Variants in FAF1 observed in about 807,000 individuals in gnomAD.
FAF1 encodes the protein Fas associated factor 1, also known as FAS-associated factor 1.
FAF1 carries 25 observed loss-of-function variants against 92.5 expected under a neutral mutation model. That is an observed-to-expected ratio of 0.27 (90% confidence interval 0.20 to 0.38). The LOEUF is 0.38. FAF1 is among the 10% of genes least tolerant of loss of function. FAF1 has a pLI of 1.00. For synonymous variants in FAF1, 234 were observed against 273.2 expected (o/e 0.86, Z 1.42); for missense variants, 636 against 793.3 (o/e 0.80, Z 2.38).
At chr1:50,646,253 A>G (rs1445638224) in intron 8 of FAF1, among the ~76,000 whole-genome samples, 1 of 152,162 alleles carries the variant, frequency 6.6e-6, no homozygotes, top group East Asian at 1.9e-4. Context: ...CCATACATAT[A>G]TACACACACA....
At chr1:50,602,489 C>T (rs1652187247) in intron 8 of FAF1, among the ~76,000 whole-genome samples, 1 of 150,588 alleles carries the variant, frequency 6.6e-6, no homozygotes, top group South Asian at 2.1e-4. Context: ...TTTATATCCT[C>T]ATATAAAGTA....
chr1:50,678,396 A>C (rs1656243697), intron 7 of FAF1, among the ~76,000 whole-genome samples: 1 of 152,144 alleles, frequency 6.6e-6, no homozygotes, highest in Admixed American at 6.5e-5. Flanking sequence ...TCCAAAACAT[A>C]CAAATTAGTA....
chr1:50,509,802 T>A (rs1647109927), intron 15 of FAF1, among the ~76,000 whole-genome samples: 1 of 152,022 alleles, frequency 6.6e-6, no homozygotes, highest in Non-Finnish European at 1.5e-5. Flanking sequence ...ATTCTAGGTC[T>A]GCCACTTAAT....
chr1:50,721,594 T>G (rs1246652224), intron 6 of FAF1, among the ~76,000 whole-genome samples: 2 of 152,126 alleles, frequency 1.3e-5, no homozygotes, highest in African/African-American at 4.8e-5. Context: ...CAGGCCACTT[T>G]AAGGTCTCAT....
chr1:50,887,742 T>C (rs949703170), intron 1 of FAF1, among the ~76,000 whole-genome samples: 3 of 152,236 alleles, frequency 2.0e-5, no homozygotes, highest in African/African-American at 7.2e-5. Flanking sequence ...TCTATATCTC[T>C]GTTTTGGTAC....
chr1:50,706,801 A>G (rs747359405), intron 6 of FAF1, among the ~76,000 whole-genome samples: 87 of 152,166 alleles, frequency 5.7e-4, no homozygotes, highest in Non-Finnish European at 1.1e-3. Flanking sequence ...TGCCATGCCT[A>G]TGGTACCAGG....
chr1:50,645,607 G>C lies in FAF1; in HGVS notation c.744+9835C>G, dbSNP rs7512799. ...GGGAGGCCGAAGGCGGGGAGAACCT[G>C]AGGTCAGGAGTTTGAGACCAGCCTG... is the stretch of plus-strand genomic sequence containing the variant. On this transcript the variant is annotated intron_variant, in intron 8 of 18. Coordinates refer to ENST00000396153, the MANE Select transcript of FAF1 (RefSeq NM_007051.3). Among the ~76,000 whole-genome samples, 838 of 152,310 alleles carry C rather than the reference G, an allele frequency of 5.5e-3. 5 individuals carry two copies. The highest frequency in any genetic ancestry group is 0.018 in the African/African-American group (767 of 41,562).
Position 50,712,322 on chromosome 1 carries a change from T to C in FAF1, c.552-6431A>G, listed in dbSNP as rs141135568. On this transcript the variant is annotated intron_variant, in intron 6 of 18. Transcript: ENST00000396153. ...GAACTGCTTAAGTTTTGTTTTGTGA[T>C]GACTCTGAGGAGAGGGGTTAGTGGG... Among the ~76,000 whole-genome samples the C allele has an allele frequency of 2.6e-3, 397 of 152,326 alleles. 11 individuals are homozygous for C. In the East Asian group the frequency reaches 0.039, roughly 15 times the overall value.
intron 8 of FAF1, among the ~76,000 whole-genome samples, chr1:50,613,348 A>G (rs989056357): frequency 1.3e-5 from 2 of 152,250 alleles, no homozygotes; most frequent in Admixed American, 6.5e-5. Context: ...CAAAATATGC[A>G]AAATAAAGAC....
intron 2 of FAF1, among the ~76,000 whole-genome samples, chr1:50,814,206 A>G (rs1044846035): frequency 1.3e-5 from 2 of 152,230 alleles, no homozygotes; most frequent in South Asian, 2.1e-4. Context: ...ATAGCTGCAT[A>G]TAAGGCATAA....
intron 7 of FAF1, among the ~76,000 whole-genome samples, chr1:50,663,268 C>G (rs1655470566): frequency 6.6e-6 from 1 of 151,560 alleles, no homozygotes; most frequent in Non-Finnish European, 1.5e-5. Context: ...TGGAAACTAT[C>G]AGAAATGCAA....
chr1:50,573,908 A>T (rs1650582813), intron 12 of FAF1, among the ~76,000 whole-genome samples: 1 of 151,990 alleles, frequency 6.6e-6, no homozygotes, highest in Non-Finnish European at 1.5e-5. Flanking sequence ...CAGTTGGATC[A>T]CCTGAGGTCA....
intron 8 of FAF1, among the ~76,000 whole-genome samples, chr1:50,616,061 T>C (rs1652900592): frequency 1.3e-5 from 2 of 152,184 alleles, no homozygotes; most frequent in South Asian, 4.1e-4. Flanking sequence ...CCTAGTTCCA[T>C]TCCTTTGCAT....
At chr1:50,603,424 A>G (rs1325759486) in intron 8 of FAF1, among the ~76,000 whole-genome samples, 1 of 152,178 alleles carries the variant, frequency 6.6e-6, no homozygotes, top group Non-Finnish European at 1.5e-5. Flanking sequence ...TCCAACGTAG[A>G]TAAGGTTTTT....
chr1:50,724,312 C>CACACACAT (rs1553132447), intron 6 of FAF1, among the ~76,000 whole-genome samples: 2 of 104,944 alleles, frequency 1.9e-5, no homozygotes, highest in Admixed American at 1.8e-4. Context: ...CACACACACA[C>CACACACAT]ACACACACAC....
At chr1:50,853,146 G>A (rs972591777) in intron 2 of FAF1, among the ~76,000 whole-genome samples, 1 of 152,136 alleles carries the variant, frequency 6.6e-6, no homozygotes, top group African/African-American at 2.4e-5. Flanking sequence ...TCATAACACT[G>A]TATAAAGTAG....
At chr1:50,849,538 A>G (rs1310530210) in intron 2 of FAF1, among the ~76,000 whole-genome samples, 1 of 152,164 alleles carries the variant, frequency 6.6e-6, no homozygotes, top group Non-Finnish European at 1.5e-5. Context: ...CAAGCATAGA[A>G]TTTGTGAGAG....
chr1:50,862,816 A>G (rs1414913418), intron 1 of FAF1, among the ~76,000 whole-genome samples: 1 of 151,946 alleles, frequency 6.6e-6, no homozygotes, highest in African/African-American at 2.4e-5. Context: ...ATAATGATAA[A>G]GGGACTAGTA....
intron 6 of FAF1, among the ~76,000 whole-genome samples, chr1:50,709,739 T>C (rs1020766246): frequency 1.3e-5 from 2 of 152,242 alleles, no homozygotes; most frequent in Admixed American, 6.5e-5. Flanking sequence ...TCCTGCCTGC[T>C]AGAAGTTTAC....
Sources: allele counts gnomAD v4.1 joint callset (sites outside exome capture counted in the v4.1 genomes callset), GRCh38; gene constraint gnomAD v4.1.1; transcripts MANE v1.5; gene names NCBI Gene and HGNC (gene_info 2026-07-23, HGNC 2026-07-21).